Variants in PRKN observed in about 807,000 individuals in gnomAD.
The protein encoded by PRKN is E3 ubiquitin-protein ligase parkin.
In PRKN, 56 loss-of-function variants were observed where a neutral mutation model predicts 59.5. The ratio of observed to expected loss-of-function variants is 0.94; its 90% CI spans 0.76 to 1.18. The LOEUF is 1.18. Among genes scored for constraint, PRKN ranks in the 50% most tolerant of loss-of-function variants. PRKN has a pLI of 0.00. For missense variants in PRKN, 657 were observed against 596.4 expected (o/e 1.10, Z -1.06); for synonymous variants, 250 against 222.1 (o/e 1.13, Z -1.12).
chr6:161,777,884 G>GTA (rs1163788934), intron 7 of PRKN, among the ~76,000 whole-genome samples: 3 of 134,272 alleles, frequency 2.2e-5, no homozygotes, highest in East Asian at 2.2e-4. Context: ...ACGTATATAT[G>GTA]TATATATATG....
At chr6:161,629,356 A>G (rs1783209837) in intron 7 of PRKN, among the ~76,000 whole-genome samples, 1 of 152,100 alleles carries the variant, frequency 6.6e-6, no homozygotes, top group South Asian at 2.1e-4. Flanking sequence ...GTTAGGGTGC[A>G]GTCAGGAGCG....
intron 3 of PRKN, among the ~76,000 whole-genome samples, chr6:162,219,187 C>A (rs1777829271): frequency 6.6e-6 from 1 of 151,948 alleles, no homozygotes; most frequent in South Asian, 2.1e-4. Context: ...AGAGTTCTTG[C>A]CCAAATAAAT....
chr6:161,532,891 C>T (rs566734110), intron 9 of PRKN, among the ~76,000 whole-genome samples: 24 of 152,180 alleles, frequency 1.6e-4, no homozygotes, highest in African/African-American at 4.6e-4. Flanking sequence ...TTGTCACTTG[C>T]GGGACTTTTC....
At chr6:161,657,572 C>T (rs1368283800) in intron 7 of PRKN, among the ~76,000 whole-genome samples, 1 of 152,128 alleles carries the variant, frequency 6.6e-6, no homozygotes, top group African/African-American at 2.4e-5. Context: ...AGATGGAACT[C>T]ACTTCCAAAA....
chr6:161,550,543 T>C lies in PRKN; in HGVS notation c.934-1540A>G, dbSNP rs957491230. Among the ~76,000 whole-genome samples the C allele has an allele frequency of 6.6e-6, 1 of 151,728 alleles. No homozygotes were observed. Among genetic ancestry groups the C allele is most frequent in the East Asian group, 1.9e-4 (1 of 5,186 alleles). Reference sequence around the variant, plus strand: ...TGAACCGGGAAGGTAGTGCTGGAGGTAGGATGAGTGTTTGAATTCTGGGTA... The same window carrying C: ...TGAACCGGGAAGGTAGTGCTGGAGGCAGGATGAGTGTTTGAATTCTGGGTA... On this transcript the variant is annotated intron_variant, in intron 8 of 11. Coordinates refer to ENST00000366898, the MANE Select transcript of PRKN (RefSeq NM_004562.3). This position sits in a 1 kb window ranked among gnomAD's most constrained non-coding sequence, Gnocchi z 4.0.
chr6:161,972,125 T>A (rs1281754037), intron 6 of PRKN, among the ~76,000 whole-genome samples: 17 of 151,782 alleles, frequency 1.1e-4, no homozygotes, highest in Admixed American at 1.1e-3. Flanking sequence ...AAATACAAAA[T>A]AAGCCTGGTG....
chr6:162,592,124 C>T (rs187474118), intron 1 of PRKN, among the ~76,000 whole-genome samples: 3 of 152,248 alleles, frequency 2.0e-5, no homozygotes, highest in Non-Finnish European at 2.9e-5. Context: ...CTTGGCCTCC[C>T]GAATAGCTGG....
chr6:161,400,199 G>A lies in PRKN; in HGVS notation c.1084-13322C>T, dbSNP rs1432043598. On this transcript the variant is annotated intron_variant, in intron 9 of 11. Coordinates refer to ENST00000366898, the MANE Select transcript of PRKN (RefSeq NM_004562.3). The surrounding 1 kb of genome is among the most constrained non-coding windows in gnomAD (Gnocchi z 4.2). ...CTGAGGACTCCTTGCACGATGCAGA[G>A]TTCAGTTAAGGGTCCACAGAACAAA... 2.6e-5 allele frequency among the ~76,000 whole-genome samples: 4 copies of A among 152,028 alleles called. No homozygotes were observed. The highest frequency in any genetic ancestry group is 9.7e-5 in the African/African-American group (4 of 41,370).
intron 6 of PRKN, among the ~76,000 whole-genome samples, chr6:161,968,187 A>ATTTTTTTTT (rs530441181): frequency 6.8e-4 from 87 of 127,874 alleles, no homozygotes; most frequent in Non-Finnish European, 1.0e-3. Flanking sequence ...TGCCTGGCTA[A>ATTTTTTTTT]TTTTTTTTTT....
intron 4 of PRKN, among the ~76,000 whole-genome samples, chr6:162,105,635 C>T (rs533699986): frequency 9.9e-5 from 15 of 152,214 alleles, no homozygotes; most frequent in Admixed American, 5.9e-4. Context: ...CCTGACCTCA[C>T]GTGATCCACC....
intron 1 of PRKN, among the ~76,000 whole-genome samples, chr6:162,550,916 G>T (rs1048364669): frequency 6.6e-6 from 1 of 152,162 alleles, no homozygotes; most frequent in Admixed American, 6.5e-5. Flanking sequence ...TTGCTAGGAG[G>T]CATCTGGCTG....
At chr6:161,867,598 G>T (rs62438262) in intron 6 of PRKN, among the ~76,000 whole-genome samples, 1 of 152,170 alleles carries the variant, frequency 6.6e-6, no homozygotes, top group Admixed American at 6.5e-5. Context: ...GATGATGTCT[G>T]TTTAGATTAA....
chr6:162,538,117 C>T (rs931303300), intron 1 of PRKN, among the ~76,000 whole-genome samples: 20 of 152,152 alleles, frequency 1.3e-4, no homozygotes, highest in Admixed American at 1.2e-3. Flanking sequence ...CCAAATACCT[C>T]GGCGGGTGCG....
chr6:162,634,683 G>C (rs1049375347), intron 1 of PRKN, among the ~76,000 whole-genome samples: 9 of 152,182 alleles, frequency 5.9e-5, no homozygotes, highest in African/African-American at 2.2e-4. Context: ...GAGTGCAGAG[G>C]CGTGATCTCA....
intron 2 of PRKN, among the ~76,000 whole-genome samples, chr6:162,342,383 G>A (rs1223507452): frequency 6.6e-6 from 1 of 152,152 alleles, no homozygotes; most frequent in Non-Finnish European, 1.5e-5. Flanking sequence ...CCCTGAATAA[G>A]CTATTGATCT....
chr6:161,762,907 T>C (rs1450866051), intron 7 of PRKN, among the ~76,000 whole-genome samples: 1 of 152,148 alleles, frequency 6.6e-6, no homozygotes, highest in Non-Finnish European at 1.5e-5. Flanking sequence ...ATTATACAAA[T>C]GTATACCAAT....
intron 2 of PRKN, among the ~76,000 whole-genome samples, chr6:162,281,562 G>A (rs1780912533): frequency 6.6e-6 from 1 of 152,062 alleles, no homozygotes; most frequent in East Asian, 1.9e-4. Context: ...CCTAAGAAAG[G>A]AGGGAAAAAT....
Position 161,391,793 on chromosome 6 carries a change from G to A in PRKN, c.1084-4916C>T, listed in dbSNP as rs753816684. 6.6e-6 allele frequency among the ~76,000 whole-genome samples: 1 copy of A among 152,084 alleles called. No homozygotes were observed. The highest frequency in any genetic ancestry group is 1.5e-5 in the Non-Finnish European group (1 of 68,032). Reference sequence around the variant, plus strand: ...TAACTGAGCCTTCCCTGAGGAAGAAGAGATTTCACCTGTGGACAGCAGCGT... The same window carrying A: ...TAACTGAGCCTTCCCTGAGGAAGAAAAGATTTCACCTGTGGACAGCAGCGT... On this transcript the variant is annotated intron_variant, in intron 9 of 11. Coordinates refer to ENST00000366898, the MANE Select transcript of PRKN (RefSeq NM_004562.3). The surrounding 1 kb of genome is among the most constrained non-coding windows in gnomAD (Gnocchi z 4.9).
At chr6:162,020,777 C>T (rs1454606056) in intron 5 of PRKN, among the ~76,000 whole-genome samples, 2 of 151,932 alleles carry the variant, frequency 1.3e-5, no homozygotes, top group Non-Finnish European at 2.9e-5. Flanking sequence ...AATGCCATGA[C>T]AAACAAGAAT....
Sources: gnomAD v4.1 joint callset for allele counts (sites outside exome capture counted in the v4.1 genomes callset) on GRCh38, gnomAD v4.1.1 for gene constraint, Gnocchi (gnomAD v3.1) non-coding constraint, MANE v1.5 for transcripts, NCBI Gene and HGNC (gene_info 2026-07-23, HGNC 2026-07-21) for gene names.